Variants in RGS3 observed in about 807,000 individuals in gnomAD.
RGS3 encodes regulator of G protein signaling 3.
RGS3 carries 80 observed loss-of-function variants against 132.6 expected under a neutral mutation model. The ratio of observed to expected loss-of-function variants is 0.60; its 90% confidence interval spans 0.50 to 0.73. RGS3 has a LOEUF of 0.73. Ranked by LOEUF, RGS3 falls within the 30% of genes least tolerant of loss-of-function variation. The pLI, the probability that RGS3 is intolerant of heterozygous loss-of-function variation, is 0.00. For missense variants in RGS3, 1,382 were observed against 1,530.8 expected, an observed-to-expected ratio of 0.90 and a Z score of 1.62; for synonymous variants, 598 against 620.6, an observed-to-expected ratio of 0.96 and a Z score of 0.54.
intron 7 of RGS3, 105 bp from the exon 6 acceptor site, chr9:113,495,681 T>C: frequency 1.1e-6 from 1 of 903,006 alleles, no homozygotes; most frequent in Non-Finnish European, 1.9e-6. Flanking sequence ...GTAAAAAGCT[T>C]TGTAAACCAC....
intron 1 of RGS3, among the ~76,000 whole-genome samples, chr9:113,451,887 A>C (rs1829254222): frequency 6.6e-6 from 1 of 152,176 alleles, no homozygotes; most frequent in African/African-American, 2.4e-5. Flanking sequence ...GCATGTTTGC[A>C]GATGATGAAT....
chr9:113,595,480 G>C (rs1040264535), intron 23 of RGS3, 119 bp from the exon 22 acceptor site: 8 of 1,130,660 alleles, frequency 7.1e-6, no homozygotes, highest in Non-Finnish European at 1.0e-5. Context: ...GTCGGGGACG[G>C]GCATTGTACT....
intron 19 of RGS3, among the ~76,000 whole-genome samples, chr9:113,569,891 T>C (rs12341332): frequency 0.12 from 18,034 of 152,084 alleles, 1,282 homozygotes; most frequent in African/African-American, 0.19. Flanking sequence ...TGCATGTGAT[T>C]GTACAGATGC....
At chr9:113,447,327 ATG>A (rs1554750973) in intron 1 of RGS3, among the ~76,000 whole-genome samples, 62 of 72,592 alleles carry the variant, frequency 8.5e-4, no homozygotes, top group African/African-American at 2.2e-3. Flanking sequence ...ATGTATGTAT[ATG>A]TATATATATA....
At chr9:113,576,337 C>CTTTTTTT (rs558156232) in intron 19 of RGS3, among the ~76,000 whole-genome samples, 1 of 142,404 alleles carries the variant, frequency 7.0e-6, no homozygotes. Context: ...ATTGTTCTTT[C>CTTTTTTT]TTTTTTTTTT....
rs904320784 is a variant in RGS3 at position 113,506,726 on chromosome 9, CTG to C, written c.1085+236_1085+237del. On this transcript the variant is annotated intron_variant, in intron 12 of 24. Coordinates refer to ENST00000350696, the Ensembl canonical transcript of RGS3. This position sits in a 1 kb window ranked among gnomAD's most constrained non-coding sequence, Gnocchi z 4.7. ...ACAGCAGGGAAGATGCTCTCAGACT[CTG>C]TGGTTCAGGACGGGGCACCAGGAGG... is the stretch of plus-strand genomic sequence containing the variant. Among the ~76,000 whole-genome samples, 1 of 152,204 alleles carries C rather than the reference CTG, an allele frequency of 6.6e-6. No homozygotes were observed. Among genetic ancestry groups the C allele is most frequent in the African/African-American group, 2.4e-5 (1 of 41,438 alleles).
chr9:113,447,345 A>ATATATATATATATATATG, intron 1 of RGS3, among the ~76,000 whole-genome samples: 1 of 103,804 alleles, frequency 9.6e-6, no homozygotes. Context: ...ATATATATAT[A>ATATATATATATATATATG]TATATATATA....
chr9:113,558,202 T>C (rs1252339984), intron 19 of RGS3, among the ~76,000 whole-genome samples: 1 of 152,146 alleles, frequency 6.6e-6, no homozygotes, highest in African/African-American at 2.4e-5. Flanking sequence ...AGAAGAATGG[T>C]GCTCAAAAGT....
intron 7 of RGS3, among the ~76,000 whole-genome samples, chr9:113,487,236 C>T (rs373632868): frequency 6.6e-5 from 10 of 151,230 alleles, no homozygotes; most frequent in Non-Finnish European, 1.2e-4. Flanking sequence ...CTCAGCCTCC[C>T]GAGTAGCTGG....
At chr9:113,578,512 T>A (rs1834638405) in intron 19 of RGS3, among the ~76,000 whole-genome samples, 1 of 152,122 alleles carries the variant, frequency 6.6e-6, no homozygotes, top group East Asian at 1.9e-4. Context: ...ACCTGCTGTG[T>A]TGGAGACAGT....
At chr9:113,581,342 G>A (rs1186987075) in intron 19 of RGS3, 1 of 152,214 alleles carries the variant, frequency 6.6e-6, no homozygotes, top group Non-Finnish European at 1.5e-5. Flanking sequence ...GTCCACCTGG[G>A]AACAGCCTGA....
chr9:113,546,407 A>G (rs1345381756), intron 19 of RGS3, among the ~76,000 whole-genome samples: 3 of 152,212 alleles, frequency 2.0e-5, no homozygotes, highest in Non-Finnish European at 4.4e-5. Flanking sequence ...TCTTCGGAGC[A>G]AGTAGATGTT....
In RGS3 at chr9:113,591,225, G is replaced by C; in HGVS notation, c.3016-108G>C. 1 of 965,442 alleles carries C rather than the reference G, an allele frequency of 1.0e-6. No homozygotes were observed. The highest frequency in any genetic ancestry group is 1.6e-6 in the Non-Finnish European group (1 of 619,654). The allele number at this position is 965,442 out of a possible 1,614,324, so 59.8% of individuals were successfully genotyped here. A position where few individuals can be genotyped will look rare whatever the true frequency, so the allele number is the denominator to read the frequency against. On this transcript the variant is annotated intron_variant, in intron 20 of 24. Transcript: ENST00000350696. The surrounding 1 kb of genome is among the most constrained non-coding windows in gnomAD (Gnocchi z 4.4). ...CTGTGTGCCGCGGGTGGGGGCTTTG[G>C]GGATGGAAGGGGCTGGTGGCAGGGA...
chr9:113,563,552 T>G (rs1833876594), intron 19 of RGS3, among the ~76,000 whole-genome samples: 1 of 152,182 alleles, frequency 6.6e-6, no homozygotes, highest in South Asian at 2.1e-4. Context: ...GGCCATCTCT[T>G]GAGACTCACC....
rs1473407717 is a variant in RGS3, at chr9:113,565,630, A to ACGGC, written c.2038-17817_2038-17814dup. ...ACGGCCGCCAGGAGCTGCCACAGCC[A>ACGGC]CGGCCGCCCGCCTGCGGGAGGAGCC... On this transcript the variant is annotated intron_variant, in intron 19 of 24. Transcript: ENST00000350696. The surrounding 1 kb of genome is among the most constrained non-coding windows in gnomAD (Gnocchi z 5.7). The ACGGC allele has an allele frequency of 2.2e-5, 6 of 272,602 alleles. No individual in the cohort carries two copies. Among genetic ancestry groups the ACGGC allele is most frequent in the Admixed American group, 4.8e-5 (1 of 20,920 alleles). The allele number at this position is 272,602 out of a possible 1,614,324, so 16.9% of individuals were successfully genotyped here.
chr9:113,493,615 C>T (rs1004399615), intron 7 of RGS3, among the ~76,000 whole-genome samples: 5 of 152,092 alleles, frequency 3.3e-5, no homozygotes, highest in South Asian at 2.1e-4. Flanking sequence ...TAAGCTGCCA[C>T]GCTTTCTGGA....
chr9:113,480,982 C>T (rs751018136), intron 4 of RGS3, among the ~76,000 whole-genome samples: 4 of 152,250 alleles, frequency 2.6e-5, no homozygotes, highest in African/African-American at 9.6e-5. Flanking sequence ...TACATGCACT[C>T]CCTTGAATAC....
intron 19 of RGS3, chr9:113,582,287 G>C (rs897485144): frequency 4.9e-5 from 39 of 802,998 alleles, no homozygotes; most frequent in Non-Finnish European, 5.6e-5. Flanking sequence ...CCATCAAATG[G>C]ACATTAATGA....
At chr9:113,519,299 G>A (rs1831823095) in intron 16 of RGS3, among the ~76,000 whole-genome samples, 1 of 152,134 alleles carries the variant, frequency 6.6e-6, no homozygotes, top group African/African-American at 2.4e-5. Flanking sequence ...ACAAGCTGAA[G>A]CCAGAGCCTT....
Sources: allele counts gnomAD v4.1 joint callset (sites outside exome capture counted in the v4.1 genomes callset), GRCh38; gene constraint gnomAD v4.1.1; non-coding constraint Gnocchi (gnomAD v3.1); transcripts MANE v1.5; gene names NCBI Gene and HGNC (gene_info 2026-07-23, HGNC 2026-07-21).